IGSF3: variants seen among roughly 807,000 people sequenced by gnomAD.
The protein encoded by IGSF3 is glu-Trp-Ile EWI motif-containing protein 3.
IGSF3 carries 23 observed loss-of-function variants against 114.4 expected under a neutral mutation model. That is an observed-to-expected ratio of 0.20 (90% CI 0.14 to 0.28). The LOEUF (loss-of-function observed/expected upper bound fraction) is 0.28. Among genes scored for constraint, IGSF3 ranks in the 10% least tolerant of loss-of-function variants. The pLI is 1.00. For missense variants in IGSF3, 1,172 were observed against 1,591.5 expected, an observed-to-expected ratio of 0.74 and a Z score of 4.48; for synonymous variants, 571 against 645.2, an observed-to-expected ratio of 0.88 and a Z score of 1.74.
Position 116,584,526 on chromosome 1 carries a change from C to T in IGSF3, c.2848+119G>A, listed in dbSNP as rs776680666. 15 of 977,808 alleles carry T rather than the reference C, an allele frequency of 1.5e-5. No homozygotes were observed. The South Asian group carries it at 2.1e-4, about 13-fold the overall frequency. The allele number at this position is 977,808 out of a possible 1,614,324, so 60.6% of individuals were successfully genotyped here. A position where few individuals can be genotyped will look rare whatever the true frequency, so the allele number is the denominator to read the frequency against. On this transcript the variant is annotated intron_variant, in intron 9 of 10. Transcript: ENST00000369486. The surrounding 1 kb of genome is among the most constrained non-coding windows in gnomAD (Gnocchi z 5.8). ...GAATATAAATGCATATACATGTAGA[C>T]ACTCATATATTTAACTGCAAATAAT...
rs1649263213 is a variant in IGSF3, at chr1:116,664,838, G to C, written c.43+1446C>G. On this transcript the variant is annotated intron_variant, in intron 2 of 10. Coordinates refer to ENST00000369486, the MANE Select transcript of IGSF3 (RefSeq NM_001007237.3). This position sits in a 1 kb window ranked among gnomAD's most constrained non-coding sequence, Gnocchi z 4.6. ...ACTGGCGCTAGTGAACTCACCCACT[G>C]GTTCTCTACTGAACCATGCATGGAA... Among the ~76,000 whole-genome samples, 1 of 152,164 alleles carries C rather than the reference G, an allele frequency of 6.6e-6. No homozygotes were observed. The highest frequency in any genetic ancestry group is 2.4e-5 in the African/African-American group (1 of 41,428).
At chr1:116,631,498 T>C (rs1647587681) in intron 2 of IGSF3, among the ~76,000 whole-genome samples, 1 of 151,954 alleles carries the variant, frequency 6.6e-6, no homozygotes, top group Non-Finnish European at 1.5e-5. Context: ...GTGATCCAGG[T>C]GAGAGCTGCT....
chr1:116,606,441 G>C, intron 5 of IGSF3: 1 of 1,611,696 alleles, frequency 6.2e-7, no homozygotes, highest in Non-Finnish European at 8.5e-7. Flanking sequence ...TAAAATCCAA[G>C]GCATTGTCAC....
chr1:116,624,201 C>T lies in IGSF3; in HGVS notation c.44-7744G>A, dbSNP rs1428521959. 6.0e-5 allele frequency among the ~76,000 whole-genome samples: 9 copies of T among 149,068 alleles called. 1 individual carries two copies. Among genetic ancestry groups the T allele is most frequent in the Non-Finnish European group, 1.3e-4 (9 of 67,560 alleles). On this transcript the variant is annotated intron_variant, in intron 2 of 10. Coordinates refer to ENST00000369486, the MANE Select transcript of IGSF3 (RefSeq NM_001007237.3). The surrounding 1 kb of genome is among the most constrained non-coding windows in gnomAD (Gnocchi z 4.9). ...CCTGGGTGACAGAGCGAGATCTTGT[C>T]TCAAAAAAAAAAAAAAAATGGCTCT...
rs1659485042 is a variant in IGSF3, at chr1:116,579,270, A to T, written c.3334+122T>A. The T allele has an allele frequency of 1.6e-6, 2 of 1,280,228 alleles. No individual in the cohort carries two copies. The highest frequency in any genetic ancestry group is 4.9e-5 in the Admixed American group (2 of 40,502). The allele number at this position is 1,280,228 out of a possible 1,614,324, so 79.3% of individuals were successfully genotyped here. A position where few individuals can be genotyped will look rare whatever the true frequency, so the allele number is the denominator to read the frequency against. ...CCAATCCCACCATATCTCAAATCCT[A>T]CTAATAAATGCCCATGACAGTTAAG... On this transcript the variant is annotated intron_variant, in intron 10 of 10. Coordinates refer to ENST00000369486, the MANE Select transcript of IGSF3 (RefSeq NM_001007237.3). This position sits in a 1 kb window ranked among gnomAD's most constrained non-coding sequence, Gnocchi z 6.4.
Position 116,614,326 on chromosome 1 carries a change from A to G in IGSF3, c.422-151T>C. ...GATTCAAGGCCACAGACAGCCCCAA[A>G]TGCACATAAACAGAAAGTTTTCTGT... On this transcript the variant is annotated intron_variant, in intron 3 of 10. Transcript: ENST00000369486. The surrounding 1 kb of genome is among the most constrained non-coding windows in gnomAD (Gnocchi z 4.5). 3.1e-6 allele frequency: 2 copies of G among 636,064 alleles called. No individual in the cohort carries two copies. The highest frequency in any genetic ancestry group is 5.5e-5 in the East Asian group (2 of 36,312). 39.4% of individuals were successfully genotyped at this position (636,064 alleles called of 1,614,324 possible).
intron 6 of IGSF3, among the ~76,000 whole-genome samples, chr1:116,601,492 T>C (rs1353198384): frequency 2.0e-5 from 3 of 152,172 alleles, no homozygotes; most frequent in East Asian, 1.9e-4. Context: ...AATAAATCAG[T>C]GTTTATAAAT....
intron 2 of IGSF3, among the ~76,000 whole-genome samples, chr1:116,620,784 A>C (rs981121845): frequency 3.9e-5 from 6 of 152,218 alleles, no homozygotes; most frequent in Non-Finnish European, 7.3e-5. Flanking sequence ...TCTGTCACCC[A>C]GGCTAGAGTG....
rs749722860 is a variant in IGSF3, at chr1:116,607,932, C to G, written c.1222+10G>C. Reference sequence around the variant, plus strand: ...CAAAGGAGAAGAAAGCAGCACATCTCTCTACTTACTGAGGGGGAGGACTAT... The same window carrying G: ...CAAAGGAGAAGAAAGCAGCACATCTGTCTACTTACTGAGGGGGAGGACTAT... On this transcript the variant is annotated intron_variant, in intron 5 of 10. Transcript: ENST00000369486. The surrounding 1 kb of genome is among the most constrained non-coding windows in gnomAD (Gnocchi z 6.1). The G allele has an allele frequency of 6.2e-7, 1 of 1,612,900 alleles. No individual in the cohort carries two copies. The highest frequency in any genetic ancestry group is 1.1e-5 in the South Asian group (1 of 90,980).
At chr1:116,581,300 AC>A (rs1222712195) in intron 9 of IGSF3, among the ~76,000 whole-genome samples, 1 of 140,462 alleles carries the variant, frequency 7.1e-6, no homozygotes, top group Non-Finnish European at 1.5e-5. Flanking sequence ...ATGCCAACAG[AC>A]TTGAATCTGT....
At chr1:116,580,466 G>T (rs1038523859) in intron 9 of IGSF3, among the ~76,000 whole-genome samples, 3 of 152,202 alleles carry the variant, frequency 2.0e-5, no homozygotes, top group Non-Finnish European at 2.9e-5. Flanking sequence ...CTTTTAGGAG[G>T]TAATTAAAGT....
intron 2 of IGSF3, among the ~76,000 whole-genome samples, chr1:116,631,914 AC>A (rs1019615220): frequency 8.5e-5 from 13 of 152,342 alleles, no homozygotes; most frequent in African/African-American, 2.9e-4. Flanking sequence ...ATTCAAGGCC[AC>A]TTTAAAATAC....
At chr1:116,604,553 C>T (rs974744031) in intron 5 of IGSF3, among the ~76,000 whole-genome samples, 22 of 152,158 alleles carry the variant, frequency 1.4e-4, no homozygotes, top group African/African-American at 4.1e-4. Flanking sequence ...AGTATTGGGA[C>T]GATAACGTGT....
chr1:116,600,402 T>A lies in IGSF3; in HGVS notation c.1625-57A>T. On this transcript the variant is annotated intron_variant, in intron 6 of 10. Transcript: ENST00000369486. This position sits in a 1 kb window ranked among gnomAD's most constrained non-coding sequence, Gnocchi z 5.5. ...GAGGCATGTGGCTTTCTCAGGGCAG[T>A]ATGACATCAGCAATGGGGCAGCTGG... is the stretch of plus-strand genomic sequence containing the variant. The A allele has an allele frequency of 6.9e-7, 1 of 1,446,992 alleles. No homozygotes were observed. Among genetic ancestry groups the A allele is most frequent in the Non-Finnish European group, 9.5e-7 (1 of 1,051,250 alleles). 89.6% of individuals were successfully genotyped at this position (1,446,992 alleles called of 1,614,324 possible). A position where few individuals can be genotyped will look rare whatever the true frequency, so the allele number is the denominator to read the frequency against.
At position 116,607,214 on chromosome 1, in the gene IGSF3, T is replaced by C. The variant is rs1660823380; in HGVS notation, c.1222+728A>G. Among the ~76,000 whole-genome samples, 1 of 152,174 alleles carries C rather than the reference T, an allele frequency of 6.6e-6. No homozygotes were observed. Among genetic ancestry groups the C allele is most frequent in the Non-Finnish European group, 1.5e-5 (1 of 68,030 alleles). ...TGGGAGAATGAGATTAATAAGAATA[T>C]CTTGATACTATGAATGTTTAAACAC... is the stretch of plus-strand genomic sequence containing the variant. On this transcript the variant is annotated intron_variant, in intron 5 of 10. Transcript: ENST00000369486. This position sits in a 1 kb window ranked among gnomAD's most constrained non-coding sequence, Gnocchi z 6.1.
intron 2 of IGSF3, among the ~76,000 whole-genome samples, chr1:116,639,820 G>A (rs1245429767): frequency 6.6e-6 from 1 of 152,048 alleles, no homozygotes; most frequent in Non-Finnish European, 1.5e-5. Flanking sequence ...AATCACTTGA[G>A]GTCAGGAGTT....
At position 116,642,423 on chromosome 1, in the gene IGSF3, G is replaced by T. The variant is rs1051761124; in HGVS notation, c.43+23861C>A. Among the ~76,000 whole-genome samples the T allele has an allele frequency of 6.6e-6, 1 of 152,120 alleles. No individual in the cohort carries two copies. Among genetic ancestry groups the T allele is most frequent in the Non-Finnish European group, 1.5e-5 (1 of 68,032 alleles). On this transcript the variant is annotated intron_variant, in intron 2 of 10. Coordinates refer to ENST00000369486, the MANE Select transcript of IGSF3 (RefSeq NM_001007237.3). This position sits in a 1 kb window ranked among gnomAD's most constrained non-coding sequence, Gnocchi z 5.4. ...AGCTGGAACAGGGCAGACCTGAGGC[G>T]GGAGTCCCCACGCTTAGGGGAAGGG... is the stretch of plus-strand genomic sequence containing the variant.
In IGSF3 at chr1:116,628,290, A is replaced by G. The variant is rs1044207997; in HGVS notation, c.44-11833T>C. On this transcript the variant is annotated intron_variant, in intron 2 of 10. Coordinates refer to ENST00000369486, the MANE Select transcript of IGSF3 (RefSeq NM_001007237.3). This position sits in a 1 kb window ranked among gnomAD's most constrained non-coding sequence, Gnocchi z 4.2. ...AGGGACAAAGTTCCTTTACTCAGCCATAGTTTCTGTGCTCCAAATACTCAG... is the reference window on the plus strand; with the variant it reads ...AGGGACAAAGTTCCTTTACTCAGCCGTAGTTTCTGTGCTCCAAATACTCAG... 6.6e-6 allele frequency among the ~76,000 whole-genome samples: 1 copy of G among 152,198 alleles called. No individual in the cohort carries two copies. Among genetic ancestry groups the G allele is most frequent in the African/African-American group, 2.4e-5 (1 of 41,452 alleles).
Position 116,647,521 on chromosome 1 carries a change from G to A in IGSF3, c.43+18763C>T, listed in dbSNP as rs900297722. Among the ~76,000 whole-genome samples the A allele has an allele frequency of 7.9e-5, 12 of 152,206 alleles. No homozygotes were observed. Among genetic ancestry groups the A allele is most frequent in the Non-Finnish European group, 1.3e-4 (9 of 68,040 alleles). On this transcript the variant is annotated intron_variant, in intron 2 of 10. Coordinates refer to ENST00000369486, the MANE Select transcript of IGSF3 (RefSeq NM_001007237.3). The surrounding 1 kb of genome is among the most constrained non-coding windows in gnomAD (Gnocchi z 4.6). ...TTGAGCCCTTACTATGTGCCAGACC[G>A]ATGCTAAGTGCTTTCCTCAGATGTT...
Sources: allele counts gnomAD v4.1 joint callset (sites outside exome capture counted in the v4.1 genomes callset), GRCh38; gene constraint gnomAD v4.1.1; non-coding constraint Gnocchi (gnomAD v3.1); transcripts MANE v1.5; gene names NCBI Gene and HGNC (gene_info 2026-07-23, HGNC 2026-07-21).